CLN8: variants seen among roughly 807,000 people sequenced by gnomAD.
The protein encoded by CLN8 is protein CLN8.
A neutral mutation model predicts 15.7 loss-of-function variants in CLN8; 14 were observed. The ratio of observed to expected loss-of-function variants is 0.89; its 90% confidence interval spans 0.59 to 1.39. CLN8 has a LOEUF of 1.39. CLN8 is among the 40% of genes most tolerant of loss of function. The pLI is 0.00. For synonymous variants in CLN8, 188 were observed against 151.0 expected (o/e 1.25, Z -1.80); for missense variants, 415 against 364.0 (o/e 1.14, Z -1.14).
Position 1,768,091 on chromosome 8 carries a change from G to A in CLN8, c.-123-2841G>A, listed in dbSNP as rs546675439. ...CCTGAGTAGCTCAAATTACAGGTGC[G>A]CACCACCACGCCTGGCTGATTTTTG... On this transcript the variant is annotated intron_variant, in intron 1 of 2. Coordinates refer to ENST00000331222, the MANE Select transcript of CLN8 (RefSeq NM_018941.4). Among the ~76,000 whole-genome samples, 40 of 151,750 alleles carry A rather than the reference G, an allele frequency of 2.6e-4. No homozygotes were observed. The South Asian group carries it at 5.0e-3, about 19-fold the overall frequency.
At chr8:1,776,913 A>T (rs969646782) in intron 2 of CLN8, among the ~76,000 whole-genome samples, 1 of 152,214 alleles carries the variant, frequency 6.6e-6, no homozygotes, top group Non-Finnish European at 1.5e-5. Flanking sequence ...GGTGGGCAGC[A>T]GTCTGGATGG....
At position 1,780,401 on chromosome 8, in the gene CLN8, C is replaced by G; in HGVS notation, c.695C>G (p.Thr232Arg). The change falls in exon 3 of 3, where the codon ACA becomes AGA. Residue 232 changes from threonine to arginine, a missense_variant. Physicochemically the swap from Thr to Arg is moderately conservative, Grantham distance 71. Transcript: ENST00000331222. ...LVSSLYLPHL[T>R]LFLVGLALLT... is the part of the protein sequence containing the mutation. ...AGCAGCCTGTATCTGCCTCATTTGA[C>G]ACTGTTCCTTGTCGGACTGGCTCTG... 6.2e-7 allele frequency: 1 copy of G among 1,614,238 alleles called. No homozygotes were observed. Among genetic ancestry groups the G allele is most frequent in the Non-Finnish European group, 8.5e-7 (1 of 1,180,040 alleles).
At chr8:1,776,210 T>G (rs1801509578) in intron 2 of CLN8, among the ~76,000 whole-genome samples, 1 of 152,044 alleles carries the variant, frequency 6.6e-6, no homozygotes, top group African/African-American at 2.4e-5. Flanking sequence ...GGGGGATACT[T>G]GCATGTGACT....
intron 2 of CLN8, chr8:1,773,716 T>C (rs985036438): frequency 1.3e-5 from 2 of 152,130 alleles, no homozygotes; most frequent in Non-Finnish European, 2.9e-5. Context: ...CAGTGTGGAG[T>C]GGAGAGGTGT....
chr8:1,771,081 A>G lies in CLN8; in HGVS notation c.27A>G (p.Thr9=), dbSNP rs750274455. 4 of 1,614,092 alleles carry G rather than the reference A, an allele frequency of 2.5e-6. No individual in the cohort carries two copies. The South Asian group carries it at 4.4e-5, about 18-fold the overall frequency. Residue 9 remains threonine, a synonymous_variant, in exon 2 of 3, where the codon ACA becomes ACG. Coordinates refer to ENST00000331222, the MANE Select transcript of CLN8 (RefSeq NM_018941.4). MNPASDGG[T]SESIFDLDYA... ...TGAATCCTGCGAGCGATGGGGGCAC[A>G]TCAGAGAGCATTTTTGACCTGGACT...
Position 1,783,719 on chromosome 8 carries a change from A to T in CLN8, c.*3152A>T. 1.3e-5 allele frequency: 2 copies of T among 151,790 alleles called. No individual in the cohort carries two copies. Among genetic ancestry groups the T allele is most frequent in the Non-Finnish European group, 2.9e-5 (2 of 68,004 alleles). The allele number at this position is 151,790 out of a possible 1,614,324, so 9.4% of individuals were successfully genotyped here. A position where few individuals can be genotyped will look rare whatever the true frequency, so the allele number is the denominator to read the frequency against. On this transcript the variant is annotated 3_prime_UTR_variant, in exon 3 of 3. Transcript: ENST00000331222. ...TTCAGTGTGAGATTTTTTACCAGGT[A>T]TTGCGCTTAAGGGACATGATTTTCC...
At chr8:1,766,390 GTTTT>G (rs5888909) in intron 1 of CLN8, among the ~76,000 whole-genome samples, 1,271 of 109,494 alleles carry the variant, frequency 0.012, 19 homozygotes, top group African/African-American at 0.042. Context: ...CCAGTTTTTT[GTTTT>G]TTTTTTTTTT....
upstream of CLN8, among the ~76,000 whole-genome samples, chr8:1,753,546 G>A (rs1440274713): frequency 7.1e-5 from 10 of 141,662 alleles, no homozygotes; most frequent in Non-Finnish European, 1.2e-4. Flanking sequence ...ACTCCAGCCT[G>A]GGTGACAAGA....
chr8:1,754,203 T>G (rs1464157055), upstream of CLN8, among the ~76,000 whole-genome samples: 1 of 152,154 alleles, frequency 6.6e-6, no homozygotes. Flanking sequence ...CCTGCAAGTG[T>G]CTGTTTCCTG....
At chr8:1,759,504 G>A (rs1239108142), upstream of CLN8, 2 of 152,282 alleles carry the variant, frequency 1.3e-5, no homozygotes, top group African/African-American at 4.8e-5. Context: ...AAGATACCGA[G>A]GGTGAGGGAT....
intron 2 of CLN8, among the ~76,000 whole-genome samples, chr8:1,772,038 T>C (rs6558536): frequency 0.8 from 122,134 of 151,878 alleles, 49,376 homozygotes; most frequent in African/African-American, 0.84. Flanking sequence ...TGGGTTCAAG[T>C]GATTCTCCTG....
rs142856565 is a variant in CLN8 at position 1,779,883 on chromosome 8, T to G, written c.544-367T>G. 33 of 930,022 alleles carry G rather than the reference T, an allele frequency of 3.5e-5. No individual in the cohort carries two copies. In the African/African-American group the frequency reaches 5.7e-4, roughly 16 times the overall value. The allele number at this position is 930,022 out of a possible 1,614,324, so 57.6% of individuals were successfully genotyped here. A position where few individuals can be genotyped will look rare whatever the true frequency, so the allele number is the denominator to read the frequency against. On this transcript the variant is annotated intron_variant, in intron 2 of 2. Coordinates refer to ENST00000331222, the MANE Select transcript of CLN8 (RefSeq NM_018941.4). ...AGCTTGATATACCTGTGTCTGGTTT[T>G]GCCAAATAAGTATTGTTTATTTACT...
At position 1,771,330 on chromosome 8, in the gene CLN8, T is replaced by C; in HGVS notation, c.276T>C (p.His92=). ...LWALLGDPVL[H]ADKARGQQNW... Reference sequence around the variant, plus strand: ...CTCTGCTGGGGGACCCTGTGCTGCATGCCGACAAGGCGCGTGGCCAGCAGA... The same window carrying C: ...CTCTGCTGGGGGACCCTGTGCTGCACGCCGACAAGGCGCGTGGCCAGCAGA... Residue 92 remains histidine (H), a synonymous_variant, in exon 2 of 3, where the codon CAT becomes CAC. Transcript: ENST00000331222. The C allele has an allele frequency of 6.2e-7, 1 of 1,614,200 alleles. No individual in the cohort carries two copies. Among genetic ancestry groups the C allele is most frequent in the Non-Finnish European group, 8.5e-7 (1 of 1,180,024 alleles).
intron 1 of CLN8, among the ~76,000 whole-genome samples, chr8:1,766,450 C>T (rs1326147469): frequency 1.4e-5 from 2 of 144,836 alleles, no homozygotes; most frequent in Admixed American, 7.1e-5. Flanking sequence ...AGTGCAGTGG[C>T]GCTATCTCAG....
At chr8:1,757,079 T>G (rs1800688401) in intron 1 of CLN8, among the ~76,000 whole-genome samples, 1 of 152,164 alleles carries the variant, frequency 6.6e-6, no homozygotes. Flanking sequence ...AGCAGGCCTA[T>G]TTGGGGCAGC....
intron 2 of CLN8, among the ~76,000 whole-genome samples, chr8:1,774,290 TA>T (rs1037594438): frequency 6.6e-6 from 1 of 152,248 alleles, no homozygotes; most frequent in Non-Finnish European, 1.5e-5. Flanking sequence ...TATTTACTTC[TA>T]ACCCTGCTCA....
chr8:1,780,726 A>G lies in CLN8; in HGVS notation c.*159A>G. The G allele has an allele frequency of 1.5e-6, 1 of 683,742 alleles. No individual in the cohort carries two copies. The highest frequency in any genetic ancestry group is 1.8e-5 in the African/African-American group (1 of 55,462). 42.4% of individuals were successfully genotyped at this position (683,742 alleles called of 1,614,324 possible). A position where few individuals can be genotyped will look rare whatever the true frequency, so the allele number is the denominator to read the frequency against. ...TTCGCATTAGTATTAATTTTGAAGT[A>G]GCTACAAAGTATTTTTAAGAAATTA... On this transcript the variant is annotated 3_prime_UTR_variant, in exon 3 of 3. Coordinates refer to ENST00000331222, the MANE Select transcript of CLN8 (RefSeq NM_018941.4).
chr8:1,755,289 C>G (rs1291970012), upstream of CLN8, among the ~76,000 whole-genome samples: 1 of 152,130 alleles, frequency 6.6e-6, no homozygotes, highest in East Asian at 1.9e-4. Context: ...ATGCATTAAA[C>G]TTTCCTTTAC....
intron 1 of CLN8, among the ~76,000 whole-genome samples, chr8:1,768,912 C>T (rs1801189416): frequency 1.3e-5 from 2 of 152,206 alleles, no homozygotes; most frequent in South Asian, 4.1e-4. Context: ...TGATATATAG[C>T]ATGACCAGAA....
Sources: allele counts gnomAD v4.1 joint callset (sites outside exome capture counted in the v4.1 genomes callset), GRCh38; gene constraint gnomAD v4.1.1; transcripts MANE v1.5; gene names NCBI Gene and HGNC (gene_info 2026-07-23, HGNC 2026-07-21).